HDLBP: variants seen among roughly 807,000 people sequenced by gnomAD.
HDLBP encodes vigilin.
HDLBP carries 30 observed loss-of-function variants against 137.3 expected under a neutral mutation model. The observed-to-expected ratio is 0.22, with a 90% CI of 0.16 to 0.30. The LOEUF is 0.30. Ranked by LOEUF, HDLBP falls within the 10% of genes least tolerant of loss-of-function variation. The pLI, the probability that HDLBP is intolerant of heterozygous loss-of-function variation, is 1.00. For synonymous variants in HDLBP, 606 were observed against 596.0 expected (o/e 1.02, Z -0.24); for missense variants, 1,119 against 1,667.3 (o/e 0.67, Z 5.73).
rs1398238346 is a variant in HDLBP, at chr2:241,228,010, G to A, written c.*1591C>T. ...CATTCAGGGCTGCCTGAGCAAATGG[G>A]GACTTGCCGAGGCAGCTGCAACTAG... On this transcript the variant is annotated 3_prime_UTR_variant, in exon 28 of 28. Transcript: ENST00000310931. The A allele has an allele frequency of 6.6e-6, 1 of 152,222 alleles. No individual in the cohort carries two copies. The highest frequency in any genetic ancestry group is 2.4e-5 in the African/African-American group (1 of 41,448). 9.4% of individuals were successfully genotyped at this position (152,222 alleles called of 1,614,324 possible).
intron 1 of HDLBP, among the ~76,000 whole-genome samples, chr2:241,290,971 C>G (rs534685116): frequency 1.0e-3 from 153 of 152,250 alleles, no homozygotes; most frequent in African/African-American, 3.5e-3. Context: ...CTACACGCCT[C>G]TGAAAGTGTG....
At position 241,262,786 on chromosome 2, in the gene HDLBP, G is replaced by A; in HGVS notation, c.375C>T (p.Leu125=). 1 of 1,614,168 alleles carries A rather than the reference G, an allele frequency of 6.2e-7. No individual in the cohort carries two copies. The highest frequency in any genetic ancestry group is 1.1e-5 in the South Asian group (1 of 91,074). ...CCAGCTTTCCTGACACCATGATGGA[G>A]AGGCCTTGGTCTTTGGCCAAAGACA... ...LELSLAKDQG[L]SIMVSGKLDA... Residue 125 remains leucine, a synonymous_variant, in exon 5 of 28, where the codon CTC becomes CTT. Coordinates refer to ENST00000310931, the MANE Select transcript of HDLBP (RefSeq NM_005336.6).
chr2:241,275,136 C>T (rs1336081833), intron 1 of HDLBP, among the ~76,000 whole-genome samples: 1 of 152,092 alleles, frequency 6.6e-6, no homozygotes, highest in Non-Finnish European at 1.5e-5. Flanking sequence ...TGTCCAGGAA[C>T]CCCTAGCCCA....
intron 24 of HDLBP, chr2:241,231,188 C>G: frequency 2.3e-6 from 1 of 429,770 alleles, no homozygotes; most frequent in Non-Finnish European, 4.3e-6. Context: ...AATTCGTGAC[C>G]AGCCTGACCA....
At chr2:241,281,246 C>T (rs2074588198) in intron 1 of HDLBP, among the ~76,000 whole-genome samples, 3 of 152,052 alleles carry the variant, frequency 2.0e-5, no homozygotes, top group Admixed American at 2.0e-4. Context: ...CCCAGCTACT[C>T]GGGAGGCTGA....
At chr2:241,254,908 C>A (rs2149479442) in intron 9 of HDLBP, 143 bp downstream of exon 9, 1 of 694,062 alleles carries the variant, frequency 1.4e-6, no homozygotes, top group South Asian at 1.6e-5. Context: ...GGAAGTTGAC[C>A]ATGTCAAACA....
At chr2:241,291,332 C>T (rs367921603) in intron 1 of HDLBP, among the ~76,000 whole-genome samples, 1 of 152,046 alleles carries the variant, frequency 6.6e-6, no homozygotes, top group East Asian at 1.9e-4. Flanking sequence ...GGTACAACAC[C>T]CTCCTGTGAC....
At chr2:241,243,451 G>C (rs1156926485) in intron 16 of HDLBP, 1 of 152,626 alleles carries the variant, frequency 6.6e-6, no homozygotes, top group Non-Finnish European at 1.5e-5. Context: ...CAGACACCAG[G>C]AAACAGTGCT....
At chr2:241,255,618 G>T in intron 7 of HDLBP, 38 bp from the exon 8 acceptor site, 2 of 1,551,800 alleles carry the variant, frequency 1.3e-6, no homozygotes, top group Non-Finnish European at 1.8e-6. Flanking sequence ...CAAAGGGAAA[G>T]GTGTGGGAAG....
intron 1 of HDLBP, among the ~76,000 whole-genome samples, chr2:241,297,487 A>G (rs2075221892): frequency 6.6e-6 from 1 of 152,160 alleles, no homozygotes; most frequent in African/African-American, 2.4e-5. Flanking sequence ...AAAAAATGAG[A>G]CTGTGTTAAA....
At chr2:241,236,986 G>GCA (rs1559482528) in intron 20 of HDLBP, among the ~76,000 whole-genome samples, 36 of 150,370 alleles carry the variant, frequency 2.4e-4, no homozygotes, top group African/African-American at 8.3e-4. Context: ...TTGGGGGGGG[G>GCA]GGGGGGGGCG....
In HDLBP at chr2:241,233,815, C is replaced by T. The variant is rs2070084632; in HGVS notation, c.3288+5G>A. 6.2e-7 allele frequency: 1 copy of T among 1,614,016 alleles called. No homozygotes were observed. The highest frequency in any genetic ancestry group is 1.3e-5 in the African/African-American group (1 of 74,898). ...CCCCCGACACGCTCCAACCGAGGCT[C>T]TCACCTGGTTCCCATCGTCCTTATC... On this transcript the variant is annotated splice_donor_5th_base_variant and intron_variant, in intron 24 of 27. Coordinates refer to ENST00000310931, the MANE Select transcript of HDLBP (RefSeq NM_005336.6). This position sits in a 1 kb window ranked among gnomAD's most constrained non-coding sequence, Gnocchi z 4.3.
chr2:241,255,064 T>A lies in HDLBP; in HGVS notation c.1175A>T (p.Gln392Leu). The A allele has an allele frequency of 1.9e-6, 3 of 1,612,662 alleles. No homozygotes were observed. Among genetic ancestry groups the A allele is most frequent in the Non-Finnish European group, 2.5e-6 (3 of 1,178,648 alleles). Residue 392 changes from glutamine (Q) to leucine (L), a missense_variant, in exon 9 of 28, where the codon CAG becomes CTG. Transcript: ENST00000310931. ...KKGQNLAKIT[Q>L]QMPKVHIEFT... ...ACGTGTCCTTACCTTTGGCATCTGC[T>A]GAGTGATTTTGGCCAGGTTCTGCCC...
intron 1 of HDLBP, among the ~76,000 whole-genome samples, chr2:241,289,971 C>T (rs781549454): frequency 6.6e-6 from 1 of 151,890 alleles, no homozygotes; most frequent in African/African-American, 2.4e-5. Context: ...AAAAAAAAAT[C>T]TGGAAAGTAA....
rs146141491 is a variant in HDLBP, at chr2:241,300,360, C to T, written c.-103+15210G>A. Reference sequence around the variant, plus strand: ...CTAGGCAAATCGGAGTAACCCACGACATGTAACAGGAACACTGCCCAGCGA... The same window carrying T: ...CTAGGCAAATCGGAGTAACCCACGATATGTAACAGGAACACTGCCCAGCGA... On this transcript the variant is annotated intron_variant, in intron 1 of 27. Transcript: ENST00000310931. 1.8e-4 allele frequency among the ~76,000 whole-genome samples: 28 copies of T among 152,262 alleles called. No individual in the cohort carries two copies. In the East Asian group the frequency reaches 4.1e-3, roughly 22 times the overall value.
intron 1 of HDLBP, chr2:241,314,974 C>T (rs1251974623): frequency 6.6e-6 from 1 of 152,168 alleles, no homozygotes; most frequent in African/African-American, 2.4e-5. Flanking sequence ...ACACCCCGGG[C>T]CGGGGCACAA....
At chr2:241,245,145 T>C (rs12622163) in intron 16 of HDLBP, among the ~76,000 whole-genome samples, 42,212 of 151,968 alleles carry the variant, frequency 0.28, 6,453 homozygotes, top group East Asian at 0.63. Flanking sequence ...ATAACATATA[T>C]AATCACAACT....
At position 241,283,664 on chromosome 2, in the gene HDLBP, T is replaced by C. The variant is rs917655709; in HGVS notation, c.-102-15123A>G. On this transcript the variant is annotated intron_variant, in intron 1 of 27. Coordinates refer to ENST00000310931, the MANE Select transcript of HDLBP (RefSeq NM_005336.6). ...TAATTTTTTGTATTTTTAGTAGAGA[T>C]GGGGTTTCACCGTGTTAGCCAGGAT... is the stretch of plus-strand genomic sequence containing the variant. 6.6e-5 allele frequency among the ~76,000 whole-genome samples: 10 copies of C among 152,020 alleles called. No homozygotes were observed. The East Asian group carries it at 1.9e-3, about 30-fold the overall frequency.
intron 1 of HDLBP, among the ~76,000 whole-genome samples, chr2:241,287,916 G>A (rs953892049): frequency 2.0e-5 from 3 of 152,208 alleles, no homozygotes; most frequent in African/African-American, 7.2e-5. Flanking sequence ...CAATTCTGCT[G>A]TGAAGCTGTA....
Sources: gnomAD v4.1 joint callset for allele counts (sites outside exome capture counted in the v4.1 genomes callset) on GRCh38, gnomAD v4.1.1 for gene constraint, Gnocchi (gnomAD v3.1) non-coding constraint, MANE v1.5 for transcripts, NCBI Gene and HGNC (gene_info 2026-07-23, HGNC 2026-07-21) for gene names.